The following COBL variants were observed in gnomAD, a reference collection of about 807,000 sequenced individuals.
The protein encoded by COBL is cordon-bleu WH2 repeat protein, also known as protein cordon-bleu.
COBL carries 51 observed loss-of-function variants against 98.8 expected under a neutral mutation model. That is an observed-to-expected ratio of 0.52 (90% confidence interval 0.41 to 0.65). COBL has a LOEUF of 0.65. Among genes scored for constraint, COBL ranks in the 30% least tolerant of loss-of-function variants. COBL has a pLI of 0.00. For synonymous variants in COBL, 634 were observed against 651.7 expected (o/e 0.97, Z 0.41); for missense variants, 1,617 against 1,617.5 (o/e 1.00, Z 0.01).
chr7:51,049,518 G>C (rs919482667), intron 7 of COBL, among the ~76,000 whole-genome samples: 14 of 152,180 alleles, frequency 9.2e-5, no homozygotes, highest in African/African-American at 3.4e-4. Flanking sequence ...CGTGTACCCA[G>C]TTTAAACCCA....
intron 1 of COBL, among the ~76,000 whole-genome samples, chr7:51,236,996 G>A (rs187990940): frequency 1.8e-3 from 276 of 152,274 alleles, no homozygotes; most frequent in African/African-American, 6.1e-3. Context: ...CCCTGCTTCC[G>A]GTCTGCACTG....
chr7:51,061,557 C>T (rs530828496), intron 7 of COBL, among the ~76,000 whole-genome samples: 1 of 152,146 alleles, frequency 6.6e-6, no homozygotes, highest in Admixed American at 6.5e-5. Flanking sequence ...GGTGAATTTG[C>T]AATGGCTAAG....
chr7:51,254,990 C>G (rs1002183937), intron 1 of COBL, among the ~76,000 whole-genome samples: 1 of 152,162 alleles, frequency 6.6e-6, no homozygotes, highest in Non-Finnish European at 1.5e-5. Context: ...TCCCTCCCCA[C>G]TCAATTAAAA....
chr7:51,143,884 T>A (rs1784786996), intron 5 of COBL, among the ~76,000 whole-genome samples: 1 of 152,194 alleles, frequency 6.6e-6, no homozygotes, highest in East Asian at 1.9e-4. Context: ...GCAGACTAAT[T>A]CTCTGATGCA....
chr7:51,190,322 C>T (rs1485228814), intron 4 of COBL, among the ~76,000 whole-genome samples: 1 of 152,156 alleles, frequency 6.6e-6, no homozygotes, highest in Non-Finnish European at 1.5e-5. Flanking sequence ...AATCCTCCAG[C>T]CTCAGCCTCT....
chr7:51,185,353 G>T (rs1481000217), intron 4 of COBL, among the ~76,000 whole-genome samples: 1 of 152,212 alleles, frequency 6.6e-6, no homozygotes, highest in African/African-American at 2.4e-5. Context: ...TGAGGGTCTG[G>T]AGAACACGCT....
intron 6 of COBL, among the ~76,000 whole-genome samples, chr7:51,122,733 C>T (rs972303476): frequency 4.5e-4 from 68 of 152,138 alleles, no homozygotes; most frequent in African/African-American, 1.5e-3. Flanking sequence ...AATCCCAGCC[C>T]TTTGGGAAGC....
chr7:51,098,220 G>GTTTTTTTTTTTTTTTTTT (rs1276606651), intron 6 of COBL, among the ~76,000 whole-genome samples: 5 of 52,308 alleles, frequency 9.6e-5, no homozygotes, highest in African/African-American at 5.5e-4. Context: ...CCCAATAGCA[G>GTTTTTTTTTTTTTTTTTT]TTTCTTTTTT....
intron 1 of COBL, among the ~76,000 whole-genome samples, chr7:51,248,427 C>T (rs184002371): frequency 1.4e-4 from 22 of 152,128 alleles, no homozygotes; most frequent in Admixed American, 1.2e-3. Context: ...TTCAGAAGAC[C>T]CCAGGAACCA....
chr7:51,131,216 G>T (rs1302990847), intron 6 of COBL, among the ~76,000 whole-genome samples: 1 of 151,906 alleles, frequency 6.6e-6, no homozygotes, highest in African/African-American at 2.4e-5. Flanking sequence ...AAATAATAGT[G>T]AAAAAAGAAA....
chr7:51,105,747 C>T lies in COBL; in HGVS notation c.958-20443G>A, dbSNP rs528198659. On this transcript the variant is annotated intron_variant, in intron 6 of 12. Transcript: ENST00000265136. ...CTCCAGCCTGGGCAACAGAACAAGACCCCATCTCAGATCCACCCTCTGTCC... is the reference window on the plus strand; with the variant it reads ...CTCCAGCCTGGGCAACAGAACAAGATCCCATCTCAGATCCACCCTCTGTCC... Among the ~76,000 whole-genome samples, 5 of 151,758 alleles carry T rather than the reference C, an allele frequency of 3.3e-5. No homozygotes were observed. The South Asian group carries it at 1.0e-3, about 32-fold the overall frequency.
intron 5 of COBL, among the ~76,000 whole-genome samples, chr7:51,180,995 A>G (rs542074028): frequency 6.3e-4 from 96 of 152,368 alleles, no homozygotes; most frequent in African/African-American, 2.2e-3. Context: ...TGATTCAACA[A>G]GCAACAGCAG....
rs73340784 is a variant in COBL at position 51,115,388 on chromosome 7, T to C, written c.957+20770A>G. ...AGTCTTTGATTCTTAACCTTTAGTTTTTTCTATATGACATTTAAAGTTATA... is the reference window on the plus strand; with the variant it reads ...AGTCTTTGATTCTTAACCTTTAGTTCTTTCTATATGACATTTAAAGTTATA... On this transcript the variant is annotated intron_variant, in intron 6 of 12. Coordinates refer to ENST00000265136, the MANE Select transcript of COBL (RefSeq NM_015198.5). 7.4e-3 allele frequency among the ~76,000 whole-genome samples: 1,124 copies of C among 152,232 alleles called. 18 individuals are homozygous for C. The highest frequency in any genetic ancestry group is 0.025 in the African/African-American group (1,059 of 41,574).
At chr7:51,248,172 G>A (rs930940966) in intron 1 of COBL, among the ~76,000 whole-genome samples, 2 of 152,166 alleles carry the variant, frequency 1.3e-5, no homozygotes, top group African/African-American at 2.4e-5. Context: ...CTACCACTTT[G>A]AGGCACAAAA....
intron 2 of COBL, among the ~76,000 whole-genome samples, chr7:51,208,046 C>T (rs1316420903): frequency 9.9e-5 from 15 of 151,412 alleles, no homozygotes; most frequent in African/African-American, 3.4e-4. Context: ...CCTGGCCGCC[C>T]ATTGTCTGAG....
rs549802579 is a variant in COBL, at chr7:51,150,044, T to C, written c.784-13713A>G. On this transcript the variant is annotated intron_variant, in intron 5 of 12. Coordinates refer to ENST00000265136, the MANE Select transcript of COBL (RefSeq NM_015198.5). ...CCAGGGAGATACTTCCAGGCATGCATGCACAAGTTCTCATACAGAAAACAA... is the reference window on the plus strand; with the variant it reads ...CCAGGGAGATACTTCCAGGCATGCACGCACAAGTTCTCATACAGAAAACAA... Among the ~76,000 whole-genome samples, 6 of 152,296 alleles carry C rather than the reference T, an allele frequency of 3.9e-5. No individual in the cohort carries two copies. In the South Asian group the frequency reaches 6.2e-4, roughly 16 times the overall value.
chr7:51,145,693 TTAAC>T (rs1407515037), intron 5 of COBL, among the ~76,000 whole-genome samples: 1 of 152,314 alleles, frequency 6.6e-6, no homozygotes, highest in African/African-American at 2.4e-5. Flanking sequence ...ATTCCTCTGT[TTAAC>T]TTACTGAGGA....
intron 1 of COBL, among the ~76,000 whole-genome samples, chr7:51,314,753 G>A (rs369935053): frequency 6.6e-6 from 1 of 152,186 alleles, no homozygotes; most frequent in East Asian, 1.9e-4. Flanking sequence ...TTAGACACTG[G>A]ATATGAGTGA....
intron 1 of COBL, among the ~76,000 whole-genome samples, chr7:51,236,365 G>T (rs1241697051): frequency 6.6e-6 from 1 of 152,168 alleles, no homozygotes. Flanking sequence ...TTTTCCAGGG[G>T]AGATGCATGA....
Sources: gnomAD v4.1 joint callset for allele counts (sites outside exome capture counted in the v4.1 genomes callset) on GRCh38, gnomAD v4.1.1 for gene constraint, MANE v1.5 for transcripts, NCBI Gene and HGNC (gene_info 2026-07-23, HGNC 2026-07-21) for gene names.